SLC1A3: variants seen among roughly 807,000 people sequenced by gnomAD.
SLC1A3 encodes the protein solute carrier family 1 member 3, also known as excitatory amino acid transporter 1.
A neutral mutation model predicts 48.1 loss-of-function variants in SLC1A3; 21 were observed. The observed-to-expected ratio is 0.44, with a 90% CI of 0.31 to 0.63. SLC1A3 has a LOEUF of 0.63. SLC1A3 is among the 20% of genes least tolerant of loss of function. The pLI is 0.08. For synonymous variants in SLC1A3, 239 were observed against 251.4 expected (o/e 0.95, Z 0.47); for missense variants, 546 against 689.0 (o/e 0.79, Z 2.32).
chr5:36,673,770 A>G (rs1742090314), intron 4 of SLC1A3, among the ~76,000 whole-genome samples: 1 of 152,206 alleles, frequency 6.6e-6, no homozygotes, highest in Non-Finnish European at 1.5e-5. Flanking sequence ...TATTCCTAGT[A>G]GCAGGGTTTT....
intron 3 of SLC1A3, among the ~76,000 whole-genome samples, chr5:36,656,578 C>T (rs1188318918): frequency 6.6e-6 from 1 of 152,226 alleles, no homozygotes; most frequent in Non-Finnish European, 1.5e-5. Context: ...GAGAATCTGA[C>T]TTGTCTAGCA....
At chr5:36,598,771 G>A (rs1169882744) in intron 1 of SLC1A3, among the ~76,000 whole-genome samples, 4 of 152,136 alleles carry the variant, frequency 2.6e-5, no homozygotes, top group Admixed American at 6.5e-5. Flanking sequence ...ATAGGTGTCC[G>A]CCATCATGCC....
intron 3 of SLC1A3, among the ~76,000 whole-genome samples, chr5:36,655,031 G>A (rs1366055973): frequency 6.6e-6 from 1 of 152,114 alleles, no homozygotes; most frequent in East Asian, 1.9e-4. Flanking sequence ...TGGCATTCAG[G>A]GCTTGTTTAT....
At chr5:36,669,996 C>T (rs1474007084) in intron 3 of SLC1A3, 2 of 149,690 alleles carry the variant, frequency 1.3e-5, no homozygotes, top group African/African-American at 2.4e-5. Flanking sequence ...AATTGGATTA[C>T]ACTATAATTG....
chr5:36,606,177 T>G (rs564304725), upstream of SLC1A3, among the ~76,000 whole-genome samples: 1 of 152,350 alleles, frequency 6.6e-6, no homozygotes, highest in East Asian at 1.9e-4. Flanking sequence ...GAAACGTCAG[T>G]TAATTCCCCG....
At chr5:36,656,191 A>G (rs773120352) in intron 3 of SLC1A3, among the ~76,000 whole-genome samples, 4 of 152,216 alleles carry the variant, frequency 2.6e-5, no homozygotes, top group Non-Finnish European at 5.9e-5. Flanking sequence ...TATTAAACAT[A>G]TGTACTTGTT....
At chr5:36,620,852 G>A (rs1739634614) in intron 2 of SLC1A3, among the ~76,000 whole-genome samples, 1 of 151,210 alleles carries the variant, frequency 6.6e-6, no homozygotes, top group Non-Finnish European at 1.5e-5. Flanking sequence ...AATAAAACCA[G>A]CTAAGGGATA....
chr5:36,663,380 A>ATTT (rs1156283585), intron 3 of SLC1A3, among the ~76,000 whole-genome samples: 4,762 of 69,212 alleles, frequency 0.069, 367 homozygotes, highest in Non-Finnish European at 0.083. Flanking sequence ...CACGCCCGGC[A>ATTT]TTTTTTTTTT....
Position 36,680,549 on chromosome 5 carries a change from A to G in SLC1A3, c.1249A>G (p.Asn417Asp). 6.2e-7 allele frequency: 1 copy of G among 1,614,160 alleles called. No individual in the cohort carries two copies. The highest frequency in any genetic ancestry group is 8.5e-7 in the Non-Finnish European group (1 of 1,179,984). The change falls in exon 8 of 10, where the codon AAC becomes GAC. Residue 417 changes from asparagine (N) to aspartate (D), a missense_variant. Asn to Asp is a conservative substitution (Grantham distance 23). Coordinates refer to ENST00000265113, the MANE Select transcript of SLC1A3 (RefSeq NM_004172.5). Reference protein sequence around the residue: ...ALAAIFIAQVNNFELNFGQII... With the variant: ...ALAAIFIAQVDNFELNFGQII... ...GGCTGCCATTTTCATTGCTCAAGTT[A>G]ACAACTTTGAACTGAACTTCGGACA...
At chr5:36,677,655 T>C (rs572234358) in intron 6 of SLC1A3, among the ~76,000 whole-genome samples, 2 of 152,230 alleles carry the variant, frequency 1.3e-5, no homozygotes, top group South Asian at 4.1e-4. Flanking sequence ...AAAAATAAAA[T>C]AAAATTGCAG....
chr5:36,655,498 G>A (rs553557436), intron 3 of SLC1A3, among the ~76,000 whole-genome samples: 2 of 152,306 alleles, frequency 1.3e-5, no homozygotes, highest in Admixed American at 1.3e-4. Flanking sequence ...GCTTATGGGT[G>A]ACCCTGAGTA....
chr5:36,597,085 C>A (rs1216981721), intron 1 of SLC1A3, among the ~76,000 whole-genome samples: 1 of 151,906 alleles, frequency 6.6e-6, no homozygotes, highest in African/African-American at 2.4e-5. Context: ...TTGGGTAATT[C>A]TTGGAAGGTC....
At chr5:36,671,310 G>A in intron 4 of SLC1A3, 77 bp downstream of exon 4, 1 of 1,035,280 alleles carries the variant, frequency 9.7e-7, no homozygotes, top group Non-Finnish European at 1.5e-6. Flanking sequence ...TTCAAACCCT[G>A]GAAGGGGTGT....
chr5:36,627,010 GCAGA>G (rs913675811), intron 2 of SLC1A3, among the ~76,000 whole-genome samples: 4 of 152,124 alleles, frequency 2.6e-5, no homozygotes, highest in African/African-American at 9.7e-5. Flanking sequence ...AAAAAGGTGT[GCAGA>G]CATTGTTATA....
chr5:36,603,445 G>T (rs1166315238), upstream of SLC1A3, among the ~76,000 whole-genome samples: 1 of 152,214 alleles, frequency 6.6e-6, no homozygotes, highest in Non-Finnish European at 1.5e-5. Context: ...GAACACAGTG[G>T]TTGCTCAATG....
intron 8 of SLC1A3, among the ~76,000 whole-genome samples, chr5:36,681,764 T>C (rs1742450933): frequency 6.6e-6 from 1 of 152,232 alleles, no homozygotes; most frequent in South Asian, 2.1e-4. Context: ...CTAATGGCAA[T>C]GGGACACTTT....
chr5:36,640,427 C>G (rs1318701465), intron 3 of SLC1A3, among the ~76,000 whole-genome samples: 1 of 152,236 alleles, frequency 6.6e-6, no homozygotes, highest in South Asian at 2.1e-4. Flanking sequence ...CAGTGTAACA[C>G]TCTTCTCAAC....
intron 3 of SLC1A3, among the ~76,000 whole-genome samples, chr5:36,646,682 A>G (rs1161358555): frequency 6.6e-6 from 1 of 152,172 alleles, no homozygotes; most frequent in Admixed American, 6.5e-5. Flanking sequence ...GTTCATGTCT[A>G]TAACAATAAT....
At chr5:36,664,277 G>A (rs1304133232) in intron 3 of SLC1A3, among the ~76,000 whole-genome samples, 2 of 152,238 alleles carry the variant, frequency 1.3e-5, no homozygotes, top group East Asian at 3.9e-4. Context: ...GGGATTACAG[G>A]CGTGCACCAC....
Sources: gnomAD v4.1 joint callset for allele counts (sites outside exome capture counted in the v4.1 genomes callset) on GRCh38, gnomAD v4.1.1 for gene constraint, MANE v1.5 for transcripts, NCBI Gene and HGNC (gene_info 2026-07-23, HGNC 2026-07-21) for gene names.